PRKG1: variants seen among roughly 807,000 people sequenced by gnomAD.
The protein encoded by PRKG1 is protein kinase cGMP-dependent 1, also known as cGMP-dependent protein kinase 1.
In PRKG1, 35 loss-of-function variants were observed where a neutral mutation model predicts 88.1. That is an observed-to-expected ratio of 0.40 (90% CI 0.30 to 0.53). PRKG1 has a LOEUF of 0.53. PRKG1 is among the 20% of genes least tolerant of loss of function. The pLI is 0.59. For synonymous variants in PRKG1, 303 were observed against 292.5 expected (o/e 1.04, Z -0.37); for missense variants, 540 against 839.8 (o/e 0.64, Z 4.41).
At chr10:51,897,523 T>C (rs1461654956) in intron 4 of PRKG1, among the ~76,000 whole-genome samples, 1 of 152,212 alleles carries the variant, frequency 6.6e-6, no homozygotes, top group Non-Finnish European at 1.5e-5. Flanking sequence ...TCTTTGGTTA[T>C]ATTTTAAAAC....
intron 2 of PRKG1, among the ~76,000 whole-genome samples, chr10:51,274,073 C>T (rs944833479): frequency 6.6e-6 from 1 of 152,142 alleles, no homozygotes; most frequent in African/African-American, 2.4e-5. Context: ...TCATGTAGAG[C>T]CCAAATTTAT....
intron 2 of PRKG1, among the ~76,000 whole-genome samples, chr10:51,459,376 T>C (rs1030151631): frequency 2.0e-5 from 3 of 152,154 alleles, no homozygotes; most frequent in Non-Finnish European, 4.4e-5. Context: ...GGCTTCTTTC[T>C]CTGTAACCTC....
intron 7 of PRKG1, among the ~76,000 whole-genome samples, chr10:52,088,139 C>T (rs1404169684): frequency 6.6e-6 from 1 of 152,058 alleles, no homozygotes; most frequent in African/African-American, 2.4e-5. Flanking sequence ...TTTATATATG[C>T]ATATTACTTT....
At chr10:51,926,773 A>C (rs1434252756) in intron 5 of PRKG1, among the ~76,000 whole-genome samples, 1 of 148,884 alleles carries the variant, frequency 6.7e-6, no homozygotes, top group African/African-American at 2.5e-5. Context: ...TTTTAACTGA[A>C]TAACATCTCC....
chr10:52,276,141 T>C (rs942561479), intron 12 of PRKG1, among the ~76,000 whole-genome samples: 70 of 152,252 alleles, frequency 4.6e-4, no homozygotes, highest in African/African-American at 1.6e-3. Flanking sequence ...CAGTGACAGT[T>C]TGACTTCCCC....
chr10:51,663,591 C>A lies in PRKG1; in HGVS notation c.593-140994C>A, dbSNP rs1840351387. 2.0e-5 allele frequency among the ~76,000 whole-genome samples: 3 copies of A among 151,174 alleles called. No individual in the cohort carries two copies. The South Asian group carries it at 6.3e-4, about 32-fold the overall frequency. ...AATTAGCTGAGTGTTGTGGCACATG[C>A]CTGTAGTCCTACCTACTCTGGAGGC... On this transcript the variant is annotated intron_variant, in intron 3 of 17. Transcript: ENST00000373980.
In PRKG1 at chr10:52,293,913, A is replaced by G; in HGVS notation, c.*13A>G. 6.3e-7 allele frequency: 1 copy of G among 1,596,104 alleles called. No individual in the cohort carries two copies. The highest frequency in any genetic ancestry group is 8.6e-7 in the Non-Finnish European group (1 of 1,165,106). On this transcript the variant is annotated 3_prime_UTR_variant, in exon 18 of 18. Transcript: ENST00000373980. ...TATAGACTTCTAATGTATTTCTCTT[A>G]CCTGCTTCTGCCTTGCTGAAGACAG...
intron 5 of PRKG1, among the ~76,000 whole-genome samples, chr10:52,017,774 G>A (rs979692426): frequency 5.3e-5 from 8 of 152,012 alleles, no homozygotes; most frequent in Non-Finnish European, 8.8e-5. Context: ...GATGTTTCCC[G>A]GGATTCTAGA....
chr10:52,172,854 G>T (rs1277969391), intron 9 of PRKG1, among the ~76,000 whole-genome samples: 1 of 152,184 alleles, frequency 6.6e-6, no homozygotes, highest in Admixed American at 6.5e-5. Flanking sequence ...TTTGGAGAGC[G>T]AGCCTTAGTT....
chr10:52,004,671 A>G (rs986114606), intron 5 of PRKG1, among the ~76,000 whole-genome samples: 1 of 152,222 alleles, frequency 6.6e-6, no homozygotes, highest in African/African-American at 2.4e-5. Context: ...AGTGTTGCAG[A>G]GTGACCTGGA....
At chr10:51,697,938 T>A in intron 3 of PRKG1, 1 of 1,599,002 alleles carries the variant, frequency 6.3e-7, no homozygotes, top group Non-Finnish European at 8.5e-7. Context: ...CCTCCTTGTA[T>A]ACTGACTCCT....
intron 5 of PRKG1, among the ~76,000 whole-genome samples, chr10:51,936,186 G>A (rs1382360919): frequency 6.6e-6 from 1 of 151,734 alleles, no homozygotes; most frequent in African/African-American, 2.4e-5. Flanking sequence ...TGTGGGCTGG[G>A]GGTTAGGTGC....
At chr10:52,057,871 CCT>C (rs1846146483) in intron 6 of PRKG1, among the ~76,000 whole-genome samples, 1 of 151,504 alleles carries the variant, frequency 6.6e-6, no homozygotes, top group Admixed American at 6.6e-5. Flanking sequence ...TATGGTGAAA[CCT>C]CTGAGAAACA....
intron 2 of PRKG1, among the ~76,000 whole-genome samples, chr10:51,464,228 C>T (rs1839823363): frequency 6.6e-6 from 1 of 152,020 alleles, no homozygotes. Context: ...GCAGAGTTTG[C>T]CGTGAGCCAA....
chr10:51,734,912 A>G (rs574950159), intron 3 of PRKG1, among the ~76,000 whole-genome samples: 5 of 152,206 alleles, frequency 3.3e-5, no homozygotes, highest in Admixed American at 1.3e-4. Flanking sequence ...GGTCCCATCT[A>G]TAGTGTGTTA....
At chr10:51,703,272 G>A (rs1378345536) in intron 3 of PRKG1, among the ~76,000 whole-genome samples, 1 of 152,050 alleles carries the variant, frequency 6.6e-6, no homozygotes, top group Non-Finnish European at 1.5e-5. Flanking sequence ...AAAAAGAAAA[G>A]ATTCACTATT....
intron 2 of PRKG1, among the ~76,000 whole-genome samples, chr10:51,233,526 A>G (rs1838902696): frequency 6.6e-6 from 1 of 152,230 alleles, no homozygotes; most frequent in South Asian, 2.1e-4. Flanking sequence ...TTATCAGTCT[A>G]GAGTAAACAT....
intron 2 of PRKG1, among the ~76,000 whole-genome samples, chr10:51,203,010 A>G (rs1019705395): frequency 6.6e-6 from 1 of 152,168 alleles, no homozygotes; most frequent in Non-Finnish European, 1.5e-5. Context: ...ACGAGAAACA[A>G]TGATGTCAAC....
chr10:51,845,834 TTGA>T (rs1564672345), intron 4 of PRKG1, among the ~76,000 whole-genome samples: 1 of 152,170 alleles, frequency 6.6e-6, no homozygotes, highest in Non-Finnish European at 1.5e-5. Context: ...TACTTTATAG[TTGA>T]TGAACTATTC....
Sources: allele counts gnomAD v4.1 joint callset (sites outside exome capture counted in the v4.1 genomes callset), GRCh38; gene constraint gnomAD v4.1.1; transcripts MANE v1.5; gene names NCBI Gene and HGNC (gene_info 2026-07-23, HGNC 2026-07-21).